NRK: variants seen among roughly 807,000 people sequenced by gnomAD.
NRK encodes nik-related protein kinase.
Under a neutral mutation model 125.2 loss-of-function variants are expected in NRK, and 67 were observed. The ratio of observed to expected loss-of-function variants is 0.54; its 90% CI spans 0.44 to 0.66. NRK has a LOEUF of 0.66. Ranked by LOEUF, NRK falls within the 30% of genes least tolerant of loss-of-function variation. The pLI, the probability that NRK is intolerant of heterozygous loss-of-function variation, is 0.00. For missense variants in NRK, 1,224 were observed against 1,192.9 expected (o/e 1.03, Z -0.38); for synonymous variants, 458 against 429.0 (o/e 1.07, Z -0.84).
intron 13 of NRK, among the ~76,000 whole-genome samples, chrX:105,910,409 A>G (rs1020272573): frequency 8.9e-6 from 1 of 112,550 alleles, no homozygotes; most frequent in South Asian, 3.6e-4. Flanking sequence ...AATATTTGGT[A>G]TATGGTTACC....
At chrX:105,859,401 C>A (rs1390490697) in intron 2 of NRK, among the ~76,000 whole-genome samples, 1 of 111,739 alleles carries the variant, frequency 8.9e-6, no homozygotes, top group Non-Finnish European at 1.9e-5. Flanking sequence ...TGGTTGTTTT[C>A]ATCCTGCAAG....
intron 17 of NRK, among the ~76,000 whole-genome samples, chrX:105,922,496 AT>A (rs1318307783): frequency 8.9e-6 from 1 of 111,935 alleles, no homozygotes; most frequent in Non-Finnish European, 1.9e-5. Context: ...CTTTGTGAAC[AT>A]GTTTAAATTG....
chrX:105,895,268 A>T (rs765078501), intron 6 of NRK, 165 bp from the exon 7 acceptor site: 1 of 538,315 alleles, frequency 1.9e-6, no homozygotes, highest in Non-Finnish European at 3.4e-6. Flanking sequence ...AACGGGTTGT[A>T]GTGATTCCAG....
At chrX:105,937,996 C>A (rs1225148987) in intron 22 of NRK, among the ~76,000 whole-genome samples, 1 of 111,615 alleles carries the variant, frequency 9.0e-6, no homozygotes, top group Non-Finnish European at 1.9e-5. Context: ...AGTATATAGC[C>A]TTATCACAAG....
intron 2 of NRK, among the ~76,000 whole-genome samples, chrX:105,869,948 A>G (rs889070493): frequency 1.8e-5 from 2 of 109,842 alleles, no homozygotes; most frequent in African/African-American, 7.0e-5. Flanking sequence ...ATAAAGCACT[A>G]TCTGCTGTAT....
intron 17 of NRK, among the ~76,000 whole-genome samples, chrX:105,922,531 C>T (rs375878654): frequency 8.9e-6 from 1 of 111,852 alleles, no homozygotes. Flanking sequence ...TTTAAATTGT[C>T]CTAATGCAAT....
At chrX:105,873,840 T>A (rs2039779837) in intron 2 of NRK, among the ~76,000 whole-genome samples, 1 of 111,565 alleles carries the variant, frequency 9.0e-6, no homozygotes, top group South Asian at 3.7e-4. Flanking sequence ...ACTCTATTCA[T>A]CATTCACTAA....
At chrX:105,883,830 C>G (rs2039911480) in intron 4 of NRK, among the ~76,000 whole-genome samples, 1 of 112,820 alleles carries the variant, frequency 8.9e-6, no homozygotes, top group Admixed American at 9.4e-5. Context: ...ACCTTGGCAA[C>G]TTAATTGAAA....
chrX:105,869,119 G>A (rs2039709534), intron 2 of NRK, among the ~76,000 whole-genome samples: 2 of 110,898 alleles, frequency 1.8e-5, no homozygotes, highest in African/African-American at 6.6e-5. Flanking sequence ...GATGCTGAAG[G>A]AATGGGACAG....
intron 1 of NRK, among the ~76,000 whole-genome samples, chrX:105,823,703 C>T (rs762800755): frequency 2.0e-4 from 22 of 111,570 alleles, no homozygotes; most frequent in Non-Finnish European, 3.4e-4. Flanking sequence ...ATTATTTTGG[C>T]AGCGCAGTTT....
Position 105,924,602 on chromosome X carries a change from G to T in NRK, c.2976-93G>T, listed in dbSNP as rs73533177. The stretch of plus-strand genomic sequence containing the variant: ...AGACAAGCCTGGGCATGGTAGATAT[G>T]TATAAGACACATCCTAATTCTGTTG... On this transcript the variant is annotated intron_variant, in intron 18 of 28. Transcript: ENST00000243300. 0.029 allele frequency: 20,149 copies of T among 695,844 alleles called. 2,771 individuals carry two copies. The African/African-American group carries it at 0.4, about 14-fold the overall frequency. 57.3% of individuals were successfully genotyped at this position (695,844 alleles called of 1,213,427 possible).
chrX:105,876,141 A>G (rs1015662124), intron 2 of NRK, among the ~76,000 whole-genome samples: 1 of 110,485 alleles, frequency 9.1e-6, no homozygotes, highest in Admixed American at 9.7e-5. Context: ...GATTGGGGAG[A>G]TATTGGTCAA....
intron 2 of NRK, among the ~76,000 whole-genome samples, chrX:105,837,460 C>T (rs1051235264): frequency 7.2e-5 from 8 of 111,405 alleles, no homozygotes; most frequent in African/African-American, 2.3e-4. Flanking sequence ...AGCTTGTTTC[C>T]AAGGCTTCGT....
At position 105,905,804 on chromosome X, in the gene NRK, C is replaced by T. The variant is rs113784123; in HGVS notation, c.845+461C>T. On this transcript the variant is annotated intron_variant, in intron 10 of 28. Coordinates refer to ENST00000243300, the MANE Select transcript of NRK (RefSeq NM_198465.4). ...CTCTCTGAAGCTTGTTGATCTTGTA[C>T]CTGAAACTCTTGCTTATTATTAGTT... is the stretch of plus-strand genomic sequence containing the variant. Among the ~76,000 whole-genome samples, 454 of 112,041 alleles carry T rather than the reference C, an allele frequency of 4.1e-3. 4 individuals carry two copies. The highest frequency in any genetic ancestry group is 0.014 in the African/African-American group (422 of 30,903).
chrX:105,892,548 A>G (rs993905115), intron 5 of NRK, among the ~76,000 whole-genome samples: 1 of 112,001 alleles, frequency 8.9e-6, no homozygotes, highest in African/African-American at 3.2e-5. Context: ...TCTGACTCAC[A>G]TAATATAAGC....
At chrX:105,838,754 A>T (rs1256860355) in intron 2 of NRK, among the ~76,000 whole-genome samples, 1 of 109,557 alleles carries the variant, frequency 9.1e-6, no homozygotes, top group African/African-American at 3.3e-5. Flanking sequence ...GCCATATGTG[A>T]GCATCCATCC....
chrX:105,915,295 G>T (rs1203719682), intron 14 of NRK, among the ~76,000 whole-genome samples: 3 of 110,700 alleles, frequency 2.7e-5, no homozygotes, highest in African/African-American at 9.8e-5. Context: ...GAGTGTATAA[G>T]AATTAGAACT....
intron 8 of NRK, among the ~76,000 whole-genome samples, chrX:105,900,151 TACAC>T (rs202022404): frequency 0.068 from 6,046 of 89,198 alleles, 170 homozygotes; most frequent in South Asian, 0.093. Flanking sequence ...ACTGCTGAAG[TACAC>T]ACACACACAC....
rs1400065874 is a variant in NRK, at chrX:105,955,958, A to G, written c.*358A>G. 8.2e-6 allele frequency: 1 copy of G among 121,730 alleles called. No individual in the cohort carries two copies. The highest frequency in any genetic ancestry group is 2.4e-4 in the East Asian group (1 of 4,174). 10.0% of individuals were successfully genotyped at this position (121,730 alleles called of 1,213,427 possible). A position where few individuals can be genotyped will look rare whatever the true frequency, so the allele number is the denominator to read the frequency against. On this transcript the variant is annotated 3_prime_UTR_variant, in exon 29 of 29. Transcript: ENST00000243300. ...AATTAGATTACAAGCAGCCTTCAAA[A>G]GAATTGGCACTGGGATAAGATTTTT... is the stretch of plus-strand genomic sequence containing the variant.
Sources: gnomAD v4.1 joint callset for allele counts (sites outside exome capture counted in the v4.1 genomes callset) on GRCh38, gnomAD v4.1.1 for gene constraint, MANE v1.5 for transcripts, NCBI Gene and HGNC (gene_info 2026-07-23, HGNC 2026-07-21) for gene names.